AGAP3: variants seen among roughly 807,000 people sequenced by gnomAD.
AGAP3 encodes the protein ArfGAP with GTPase domain, ankyrin repeat and PH domain 3.
AGAP3 carries 24 observed loss-of-function variants against 96.9 expected under a neutral mutation model. The ratio of observed to expected loss-of-function variants is 0.25; its 90% CI spans 0.18 to 0.35. The LOEUF is 0.35. Among genes scored for constraint, AGAP3 ranks in the 10% least tolerant of loss-of-function variants. The pLI is 1.00. For synonymous variants in AGAP3, 563 were observed against 536.1 expected (o/e 1.05, Z -0.69); for missense variants, 876 against 1,254.2 (o/e 0.70, Z 4.55).
chr7:151,123,172 C>CGTTCCT, intron 8 of AGAP3: 1 of 1,067,296 alleles, frequency 9.4e-7, no homozygotes, highest in Non-Finnish European at 1.1e-6. Flanking sequence ...GGACCTCTGC[C>CGTTCCT]GTTCCTGCTC....
Position 151,141,069 on chromosome 7 carries a change from C to T in AGAP3, c.1805-829C>T, listed in dbSNP as rs867311607. ...ACAAGCAGAGATGGCCTTGGCAGAACTGGGGTTCACCCTGGGGCCTTACCA... is the reference window on the plus strand; with the variant it reads ...ACAAGCAGAGATGGCCTTGGCAGAATTGGGGTTCACCCTGGGGCCTTACCA... On this transcript the variant is annotated intron_variant, in intron 13 of 17. Transcript: ENST00000397238. This position sits in a 1 kb window ranked among gnomAD's most constrained non-coding sequence, Gnocchi z 4.2. 6 of 152,186 alleles carry T rather than the reference C, an allele frequency of 3.9e-5. No individual in the cohort carries two copies. Among genetic ancestry groups the T allele is most frequent in the Non-Finnish European group, 7.3e-5 (5 of 68,054 alleles). 9.4% of individuals were successfully genotyped at this position (152,186 alleles called of 1,614,324 possible).
rs1212097081 is a variant in AGAP3, at chr7:151,123,798, G to A, written c.1133G>A (p.Arg378Gln). The A allele has an allele frequency of 5.6e-6, 9 of 1,613,218 alleles. No homozygotes were observed. Among genetic ancestry groups the A allele is most frequent in the Non-Finnish European group, 7.6e-6 (9 of 1,179,928 alleles). ...SKRRSNIFTS[R>Q]KGADLDREKK... ...GCCTCTTGTTTTCTCTTCCAGTCTC[G>A]GAAGGGTGCTGACCTGGACCGGGAG... is the stretch of plus-strand genomic sequence containing the variant. The change falls in exon 9 of 18, where the codon CGG becomes CAG. Residue 378 changes from arginine (R) to glutamine (Q), a missense_variant. Around this residue, in one of 8 missense-constraint regions of AGAP3, gnomAD observed 100 missense variants for 129.4 expected, o/e 0.77. Transcript: ENST00000397238.
rs1206420714 is a variant in AGAP3 at position 151,086,986 on chromosome 7, ATATCTACGCCATC to A, written c.248_260del (p.Ile83ThrfsTer3). Reference sequence around the variant, plus strand: ...CAGCGCTTCGAGTCCGTGCATCCCAATATCTACGCCATCTACGACCTGATCGAGCGCATCGAGG... The same window carrying A: ...CAGCGCTTCGAGTCCGTGCATCCCAATACGACCTGATCGAGCGCATCGAGG... On this transcript the variant is annotated frameshift_variant, in exon 1 of 18. Coordinates refer to ENST00000397238, the MANE Select transcript of AGAP3 (RefSeq NM_031946.7). LOFTEE classifies it high-confidence loss of function. 1 of 1,612,864 alleles carries A rather than the reference ATATCTACGCCATC, an allele frequency of 6.2e-7. No individual in the cohort carries two copies. Among genetic ancestry groups the A allele is most frequent in the Non-Finnish European group, 8.5e-7 (1 of 1,179,548 alleles).
rs1233178899 is a variant in AGAP3 at position 151,118,850 on chromosome 7, C to A, written c.969+218C>A. ...CCACGGTGCCTGCCCCTTCCCGCTG[C>A]AATCCCCACTTCTCTCTGCTCTCCA... On this transcript the variant is annotated intron_variant, in intron 7 of 17. Coordinates refer to ENST00000397238, the MANE Select transcript of AGAP3 (RefSeq NM_031946.7). This position sits in a 1 kb window ranked among gnomAD's most constrained non-coding sequence, Gnocchi z 6.1. Among the ~76,000 whole-genome samples, 1 of 152,204 alleles carries A rather than the reference C, an allele frequency of 6.6e-6. No homozygotes were observed. The highest frequency in any genetic ancestry group is 2.4e-5 in the African/African-American group (1 of 41,442).
chr7:151,128,867 G>T (rs1016737117), intron 10 of AGAP3, among the ~76,000 whole-genome samples, 183 bp downstream of exon 10: 5 of 152,204 alleles, frequency 3.3e-5, no homozygotes, highest in African/African-American at 1.2e-4. Context: ...GACCCGGCTG[G>T]CCCCTCCCTT....
chr7:151,141,317 A>T lies in AGAP3; in HGVS notation c.1805-581A>T, dbSNP rs1030885394. 1 of 161,796 alleles carries T rather than the reference A, an allele frequency of 6.2e-6. No individual in the cohort carries two copies. 10.0% of individuals were successfully genotyped at this position (161,796 alleles called of 1,614,324 possible). A position where few individuals can be genotyped will look rare whatever the true frequency, so the allele number is the denominator to read the frequency against. ...CCCTCAGGCCCCTATTTGCTCACATACTGCAGGTCCTGTAGAAAACCTCTC... is the reference window on the plus strand; with the variant it reads ...CCCTCAGGCCCCTATTTGCTCACATTCTGCAGGTCCTGTAGAAAACCTCTC... On this transcript the variant is annotated intron_variant, in intron 13 of 17. Coordinates refer to ENST00000397238, the MANE Select transcript of AGAP3 (RefSeq NM_031946.7). This position sits in a 1 kb window ranked among gnomAD's most constrained non-coding sequence, Gnocchi z 4.2.
intron 9 of AGAP3, among the ~76,000 whole-genome samples, chr7:151,127,116 T>C (rs1800210371): frequency 6.6e-6 from 1 of 152,204 alleles, no homozygotes; most frequent in Non-Finnish European, 1.5e-5. Flanking sequence ...GGGAATCTCT[T>C]ATCCTAATGG....
chr7:151,143,698 C>G lies in AGAP3; in HGVS notation c.2530-39C>G. 6.2e-7 allele frequency: 1 copy of G among 1,613,056 alleles called. No homozygotes were observed. The highest frequency in any genetic ancestry group is 8.5e-7 in the Non-Finnish European group (1 of 1,179,112). Reference sequence around the variant, plus strand: ...CCCCTACAACCAATCTCTCTCCTCCCATGTCTTGCCAACTGTCAACATGTG... The same window carrying G: ...CCCCTACAACCAATCTCTCTCCTCCGATGTCTTGCCAACTGTCAACATGTG... On this transcript the variant is annotated intron_variant, in intron 17 of 17. Transcript: ENST00000397238. The surrounding 1 kb of genome is among the most constrained non-coding windows in gnomAD (Gnocchi z 5.9).
rs778351219 is a variant in AGAP3, at chr7:151,120,164, C to G, written c.1128+19C>G. ...CTTCACGGTACGTGACTGCCCTCCT[C>G]CCCCGCCCAGCTGCCTTTGCTGCAC... On this transcript the variant is annotated intron_variant, in intron 8 of 17. Transcript: ENST00000397238. The G allele has an allele frequency of 1.6e-5, 25 of 1,573,298 alleles. No homozygotes were observed. In the East Asian group the frequency reaches 2.7e-4, roughly 17 times the overall value.
At chr7:151,138,745 C>T (rs569174593) in intron 12 of AGAP3, among the ~76,000 whole-genome samples, 38 of 152,298 alleles carry the variant, frequency 2.5e-4, no homozygotes, top group East Asian at 2.1e-3. Context: ...GGAGGTCGGA[C>T]GGAGGCTGGG....
chr7:151,144,270 A>C lies in AGAP3; in HGVS notation c.*327A>C. On this transcript the variant is annotated 3_prime_UTR_variant, in exon 18 of 18. Coordinates refer to ENST00000397238, the MANE Select transcript of AGAP3 (RefSeq NM_031946.7). ...TAGTGCCAGCCCCTCACACGCCTTC[A>C]TCCTGAAACAGGAAGAGGACGGCAC... 1 of 354,358 alleles carries C rather than the reference A, an allele frequency of 2.8e-6. No individual in the cohort carries two copies. The highest frequency in any genetic ancestry group is 4.7e-5 in the South Asian group (1 of 21,156). The allele number at this position is 354,358 out of a possible 1,614,324, so 22.0% of individuals were successfully genotyped here.
chr7:151,116,735 G>A (rs1799602954), intron 1 of AGAP3, 58 bp from the exon 2 acceptor site: 3 of 1,598,010 alleles, frequency 1.9e-6, no homozygotes, highest in Non-Finnish European at 2.6e-6. Context: ...AGGCAGCAGT[G>A]GTTGGGACAG....
intron 8 of AGAP3, 69 bp from the exon 9 acceptor site, chr7:151,123,725 G>A: frequency 6.3e-7 from 1 of 1,593,448 alleles, no homozygotes; most frequent in African/African-American, 1.3e-5. Flanking sequence ...AGGGAGGCCG[G>A]GAAGTCCAGG....
intron 8 of AGAP3, chr7:151,123,527 C>T (rs1800018956): frequency 4.7e-6 from 6 of 1,285,974 alleles, no homozygotes; most frequent in Non-Finnish European, 5.9e-6. Flanking sequence ...CGGGCGTGCT[C>T]CTCGCGCCCT....
In AGAP3 at chr7:151,143,674, C is replaced by G; in HGVS notation, c.2530-63C>G. 1 of 1,609,500 alleles carries G rather than the reference C, an allele frequency of 6.2e-7. No individual in the cohort carries two copies. Among genetic ancestry groups the G allele is most frequent in the African/African-American group, 1.3e-5 (1 of 74,986 alleles). ...TTTGAAAGCAACCTCTTCTTTCCTC[C>G]CCTACAACCAATCTCTCTCCTCCCA... is the stretch of plus-strand genomic sequence containing the variant. On this transcript the variant is annotated intron_variant, in intron 17 of 17. Transcript: ENST00000397238. The surrounding 1 kb of genome is among the most constrained non-coding windows in gnomAD (Gnocchi z 5.9).
rs772407837 is a variant in AGAP3, at chr7:151,143,619, G to A, written c.2529+23G>A. 3.8e-6 allele frequency: 6 copies of A among 1,596,618 alleles called. No homozygotes were observed. The highest frequency in any genetic ancestry group is 2.2e-5 in the East Asian group (1 of 44,686). ...TGGGTGAGTCACGTGCCTCTAGCCTGCCCTGACCTCGCTCTTCTTAGCCTT... is the reference window on the plus strand; with the variant it reads ...TGGGTGAGTCACGTGCCTCTAGCCTACCCTGACCTCGCTCTTCTTAGCCTT... On this transcript the variant is annotated intron_variant, in intron 17 of 17. Transcript: ENST00000397238. The surrounding 1 kb of genome is among the most constrained non-coding windows in gnomAD (Gnocchi z 5.9).
At chr7:151,127,257 G>A (rs10256812) in intron 9 of AGAP3, among the ~76,000 whole-genome samples, 58,252 of 152,130 alleles carry the variant, frequency 0.38, 11,507 homozygotes, top group African/African-American at 0.47. Flanking sequence ...GTTTCCTTGT[G>A]CCTGCATCTC....
chr7:151,095,788 T>G (rs1798582114), intron 1 of AGAP3, among the ~76,000 whole-genome samples: 1 of 151,152 alleles, frequency 6.6e-6, no homozygotes, highest in Non-Finnish European at 1.5e-5. Flanking sequence ...TTTTGGAGGC[T>G]TTCCATCACT....
rs80238349 is a variant in AGAP3, at chr7:151,120,917, C to T, written c.1128+772C>T. 2.3e-3 allele frequency: 2,268 copies of T among 984,516 alleles called. 38 individuals carry two copies. In the African/African-American group the frequency reaches 0.037, roughly 16 times the overall value. 61.0% of individuals were successfully genotyped at this position (984,516 alleles called of 1,614,324 possible). ...ACACAGTGCCCATCCAAACCCTAAT[C>T]CTCCAGCCGGGCTTGGCTGGATGTT... is the stretch of plus-strand genomic sequence containing the variant. On this transcript the variant is annotated intron_variant, in intron 8 of 17. Transcript: ENST00000397238.
Sources: allele counts gnomAD v4.1 joint callset (sites outside exome capture counted in the v4.1 genomes callset), GRCh38; gene constraint gnomAD v4.1.1; regional missense constraint gnomAD v4.1.1; non-coding constraint Gnocchi (gnomAD v3.1); transcripts MANE v1.5; gene names NCBI Gene and HGNC (gene_info 2026-07-23, HGNC 2026-07-21).